WDR36: variants seen among roughly 807,000 people sequenced by gnomAD.
WDR36 encodes the protein WD repeat-containing protein 36.
WDR36 carries 63 observed loss-of-function variants against 112.7 expected under a neutral mutation model. The observed-to-expected ratio is 0.56, with a 90% CI of 0.46 to 0.69. WDR36 has a LOEUF of 0.69. WDR36 is among the 30% of genes least tolerant of loss of function. The pLI is 0.00. For synonymous variants in WDR36, 410 were observed against 362.2 expected (o/e 1.13, Z -1.50); for missense variants, 1,226 against 1,070.3 (o/e 1.15, Z -2.03).
intron 1 of WDR36, among the ~76,000 whole-genome samples, chr5:111,094,551 G>A (rs1349821169): frequency 6.6e-6 from 1 of 152,198 alleles, no homozygotes; most frequent in Non-Finnish European, 1.5e-5. Flanking sequence ...TCAAATTTCA[G>A]TATCTATAGA....
In WDR36 at chr5:111,129,479, A is replaced by G. The variant is rs936442129; in HGVS notation, c.*2596A>G. On this transcript the variant is annotated 3_prime_UTR_variant, in exon 23 of 23. Coordinates refer to ENST00000513710, the MANE Select transcript of WDR36 (RefSeq NM_139281.3). ...AATCAGAAATTTCTCACTAGTGAAG[A>G]TGGACATATTTTTGTATGTTTATTT... 1 of 192,978 alleles carries G rather than the reference A, an allele frequency of 5.2e-6. No homozygotes were observed. The highest frequency in any genetic ancestry group is 6.1e-5 in the Admixed American group (1 of 16,370). 12.0% of individuals were successfully genotyped at this position (192,978 alleles called of 1,614,324 possible). A position where few individuals can be genotyped will look rare whatever the true frequency, so the allele number is the denominator to read the frequency against.
At chr5:111,094,062 C>T (rs182089088) in intron 1 of WDR36, among the ~76,000 whole-genome samples, 1 of 152,196 alleles carries the variant, frequency 6.6e-6, no homozygotes, top group Non-Finnish European at 1.5e-5. Flanking sequence ...GAACCTAAGT[C>T]ACTAATTGGG....
intron 12 of WDR36, among the ~76,000 whole-genome samples, chr5:111,109,065 T>A (rs1753273628): frequency 6.6e-6 from 1 of 151,202 alleles, no homozygotes; most frequent in Non-Finnish European, 1.5e-5. Flanking sequence ...GATAATACAT[T>A]AGAATGAATA....
intron 1 of WDR36, among the ~76,000 whole-genome samples, chr5:111,093,797 C>T (rs1752917938): frequency 6.6e-6 from 1 of 152,126 alleles, no homozygotes. Context: ...CAAAGAAACC[C>T]TGTGGTGAGG....
At chr5:111,110,111 T>A in intron 12 of WDR36, 78 bp from the exon 13 acceptor site, 1 of 980,642 alleles carries the variant, frequency 1.0e-6, no homozygotes, top group South Asian at 1.3e-5. Flanking sequence ...AACAAGTAGA[T>A]AAAAAAATGC....
At chr5:111,105,995 A>G (rs751398410) in intron 10 of WDR36, 62 bp from the exon 11 acceptor site, 10 of 1,295,366 alleles carry the variant, frequency 7.7e-6, no homozygotes, top group East Asian at 2.3e-5. Flanking sequence ...CTTTTCTTTT[A>G]TATACACTTT....
chr5:111,094,282 A>G (rs187193518), intron 1 of WDR36, among the ~76,000 whole-genome samples: 1 of 152,342 alleles, frequency 6.6e-6, no homozygotes, highest in East Asian at 1.9e-4. Context: ...GAATCCTCAT[A>G]ACAATCCCAT....
intron 22 of WDR36, 72 bp from the exon 23 acceptor site, chr5:111,126,662 A>T: frequency 1.3e-6 from 2 of 1,524,206 alleles, no homozygotes; most frequent in South Asian, 2.3e-5. Flanking sequence ...GTTCCTTGGT[A>T]GAAAAATTGA....
chr5:111,124,157 T>G lies in WDR36; in HGVS notation c.2318T>G (p.Leu773Trp), dbSNP rs1337739291. The G allele has an allele frequency of 1.9e-6, 3 of 1,612,770 alleles. 1 individual carries two copies. The South Asian group carries it at 3.3e-5, about 18-fold the overall frequency. ...TTGGCTCAAAAATCAGATTTCTGCT[T>G]GAAACTTGAAGAAGGACTGGTAAAT... ...GVLAQKSDFC[L>W]KLEEGLVNNK... The change falls in exon 21 of 23, where the codon TTG becomes TGG. Residue 773 changes from leucine to tryptophan, a missense_variant. Coordinates refer to ENST00000513710, the MANE Select transcript of WDR36 (RefSeq NM_139281.3).
At chr5:111,109,276 T>C (rs914528574) in intron 12 of WDR36, among the ~76,000 whole-genome samples, 12 of 151,408 alleles carry the variant, frequency 7.9e-5, no homozygotes, top group African/African-American at 2.9e-4. Flanking sequence ...TGTTTGTGTT[T>C]CATTTAGGAA....
At chr5:111,111,679 T>C (rs1402612609) in intron 15 of WDR36, 2 of 193,752 alleles carry the variant, frequency 1.0e-5, no homozygotes, top group African/African-American at 4.8e-5. Flanking sequence ...TGGTTTATTT[T>C]AGTTTAGTGC....
At chr5:111,118,040 A>C (rs1350098666) in intron 16 of WDR36, among the ~76,000 whole-genome samples, 1 of 152,190 alleles carries the variant, frequency 6.6e-6, no homozygotes, top group Non-Finnish European at 1.5e-5. Flanking sequence ...TATATTCTGC[A>C]TTCTGATGGC....
intron 5 of WDR36, among the ~76,000 whole-genome samples, chr5:111,101,039 G>T (rs1374057437): frequency 6.6e-6 from 1 of 151,976 alleles, no homozygotes; most frequent in East Asian, 1.9e-4. Context: ...ATGCATAAAT[G>T]TGTGAAAGTT....
rs1753011788 is a variant in WDR36 at position 111,097,196 on chromosome 5, T to C, written c.291+17T>C. ...AATAAAGAGGTTGGTATCGCTAAAC[T>C]ACTTGTTTGTCAGTCAGTATTTGTT... On this transcript the variant is annotated intron_variant, in intron 3 of 22. Transcript: ENST00000513710. 6.4e-7 allele frequency: 1 copy of C among 1,570,276 alleles called. No homozygotes were observed. The highest frequency in any genetic ancestry group is 1.7e-5 in the Admixed American group (1 of 59,944).
At chr5:111,106,733 GCTT>G (rs1198263019) in intron 11 of WDR36, among the ~76,000 whole-genome samples, 1 of 151,234 alleles carries the variant, frequency 6.6e-6, no homozygotes, top group East Asian at 1.9e-4. Context: ...TTTTTTAGTG[GCTT>G]CTTAACACCT....
rs1252488460 is a variant in WDR36 at position 111,129,660 on chromosome 5, A to G, written c.*2777A>G. ...TCTCCTACTTAGCCATTTGGCTTTA[A>G]TTTTACATGGTGTCTGTTTAAATAA... On this transcript the variant is annotated 3_prime_UTR_variant, in exon 23 of 23. Transcript: ENST00000513710. 1 of 204,968 alleles carries G rather than the reference A, an allele frequency of 4.9e-6. No individual in the cohort carries two copies. The highest frequency in any genetic ancestry group is 1.0e-5 in the Non-Finnish European group (1 of 100,308). The allele number at this position is 204,968 out of a possible 1,614,324, so 12.7% of individuals were successfully genotyped here.
At chr5:111,103,417 A>G (rs1424613048) in intron 6 of WDR36, among the ~76,000 whole-genome samples, 2 of 151,674 alleles carry the variant, frequency 1.3e-5, no homozygotes, top group Admixed American at 6.6e-5. Flanking sequence ...GCAAGCCTTT[A>G]TGTTTTCTAG....
intron 2 of WDR36, 72 bp downstream of exon 2, chr5:111,095,019 T>G: frequency 7.1e-7 from 1 of 1,401,018 alleles, no homozygotes. Flanking sequence ...ATGTGAGACT[T>G]ACAGAGCATA....
intron 21 of WDR36, 110 bp downstream of exon 21, chr5:111,124,299 CA>C (rs1187481279): frequency 1.1e-6 from 1 of 949,084 alleles, no homozygotes; most frequent in Non-Finnish European, 1.5e-6. Context: ...TAGTAAAAAT[CA>C]AAAAGATTGA....
Sources: gnomAD v4.1 joint callset for allele counts (sites outside exome capture counted in the v4.1 genomes callset) on GRCh38, gnomAD v4.1.1 for gene constraint, MANE v1.5 for transcripts, NCBI Gene and HGNC (gene_info 2026-07-23, HGNC 2026-07-21) for gene names.